ZYG11B: variants seen among roughly 807,000 people sequenced by gnomAD.
The protein encoded by ZYG11B is zyg-11 family member B, cell cycle regulator.
A neutral mutation model predicts 82.4 loss-of-function variants in ZYG11B; 36 were observed. That is an observed-to-expected ratio of 0.44 (90% confidence interval 0.33 to 0.58). ZYG11B has a LOEUF of 0.58. Ranked by LOEUF, ZYG11B falls within the 20% of genes least tolerant of loss-of-function variation. ZYG11B has a pLI of 0.02. For missense variants in ZYG11B, 552 were observed against 895.6 expected (o/e 0.62, Z 4.90); for synonymous variants, 303 against 312.8 (o/e 0.97, Z 0.33).
intron 8 of ZYG11B, among the ~76,000 whole-genome samples, chr1:52,800,563 C>CT (rs200669529): frequency 0.015 from 2,210 of 152,018 alleles, 60 homozygotes; most frequent in African/African-American, 0.051. Context: ...AATCCTAGCA[C>CT]TTTGGGAGGC....
intron 10 of ZYG11B, among the ~76,000 whole-genome samples, chr1:52,803,123 C>CACATATATATATATATATAT (rs1553262802): frequency 1.9e-5 from 1 of 53,652 alleles, no homozygotes; most frequent in Non-Finnish European, 2.8e-5. Context: ...TATATACACA[C>CACATATATATATATATATAT]ATATATATAT....
At chr1:52,798,099 G>C (rs1036503852) in intron 8 of ZYG11B, among the ~76,000 whole-genome samples, 3 of 151,654 alleles carry the variant, frequency 2.0e-5, no homozygotes, top group African/African-American at 2.4e-5. Context: ...CTCCAGCCTG[G>C]GTGATGGAGT....
chr1:52,778,887 A>G (rs1470163231), intron 3 of ZYG11B, among the ~76,000 whole-genome samples: 1 of 152,176 alleles, frequency 6.6e-6, no homozygotes, highest in Non-Finnish European at 1.5e-5. Flanking sequence ...TAATTGATAC[A>G]TTTATTTGAT....
intron 10 of ZYG11B, among the ~76,000 whole-genome samples, chr1:52,804,560 C>T (rs1395913923): frequency 2.6e-5 from 4 of 151,916 alleles, no homozygotes; most frequent in African/African-American, 9.7e-5. Context: ...TTGCTGTGAG[C>T]CGAGATTGCA....
At chr1:52,781,538 C>T (rs1030333326) in intron 4 of ZYG11B, among the ~76,000 whole-genome samples, 9 of 152,042 alleles carry the variant, frequency 5.9e-5, no homozygotes, top group African/African-American at 1.2e-4. Context: ...ACCCCACTCC[C>T]AAAAATTTAG....
rs555192745 is a variant in ZYG11B, at chr1:52,770,935, C to T, written c.197-85C>T. On this transcript the variant is annotated intron_variant, in intron 2 of 13. Coordinates refer to ENST00000294353, the MANE Select transcript of ZYG11B (RefSeq NM_024646.3). ...CAGACGAGATACTGTTACATGGGAG[C>T]GCTTTGGAAATGTAAAGTGTGATGG... 7.1e-4 allele frequency: 995 copies of T among 1,404,466 alleles called. 22 individuals are homozygous for T. In the South Asian group the frequency reaches 0.013, roughly 18 times the overall value. The allele number at this position is 1,404,466 out of a possible 1,614,324, so 87.0% of individuals were successfully genotyped here.
chr1:52,813,673 C>T lies in ZYG11B; in HGVS notation c.1833C>T (p.Ser611=). The part of the protein sequence containing the change: ...FAAGIIAHLI[S]RGEQAWTLSR... The stretch of plus-strand genomic sequence containing the variant: ...CTGGAATTATTGCCCATTTAATATC[C>T]AGAGGTGAACAAGCTTGGACATTGA... The change falls in exon 11 of 14, where the codon TCC becomes TCT. Residue 611 remains serine, a synonymous_variant. Transcript: ENST00000294353. 6.2e-7 allele frequency: 1 copy of T among 1,614,016 alleles called. No homozygotes were observed. The highest frequency in any genetic ancestry group is 1.1e-5 in the South Asian group (1 of 91,084).
chr1:52,790,621 T>A (rs1217775670), intron 6 of ZYG11B, among the ~76,000 whole-genome samples: 2 of 147,654 alleles, frequency 1.4e-5, no homozygotes, highest in East Asian at 4.0e-4. Flanking sequence ...CTCGGGAGAC[T>A]GAGGCAGGAG....
chr1:52,813,790 CATAATGTAGTAA>C, intron 11 of ZYG11B, 57 bp downstream of exon 11: 1 of 1,612,816 alleles, frequency 6.2e-7, no homozygotes. Flanking sequence ...ATCAAAGCCT[CATAATGTAGTAA>C]ATAATGCAGT....
chr1:52,801,739 T>G, intron 8 of ZYG11B, 80 bp from the exon 9 acceptor site: 1 of 1,196,308 alleles, frequency 8.4e-7, no homozygotes, highest in Non-Finnish European at 1.2e-6. Context: ...CTAATCCTCA[T>G]GGACTTGGGG....
chr1:52,817,773 A>ATGTG (rs1298660470), intron 13 of ZYG11B, among the ~76,000 whole-genome samples: 39 of 37,740 alleles, frequency 1.0e-3, no homozygotes, highest in South Asian at 3.6e-3. Context: ...GTGTATATAT[A>ATGTG]TGTGTATATA....
intron 6 of ZYG11B, among the ~76,000 whole-genome samples, chr1:52,795,213 C>T (rs950368254): frequency 1.8e-4 from 27 of 152,118 alleles, no homozygotes; most frequent in African/African-American, 5.5e-4. Context: ...AGAGTTCTCC[C>T]GAGATCTGGT....
intron 6 of ZYG11B, among the ~76,000 whole-genome samples, chr1:52,791,500 C>T (rs1254416787): frequency 1.3e-5 from 2 of 152,026 alleles, no homozygotes; most frequent in Non-Finnish European, 2.9e-5. Flanking sequence ...TCCCAAATAG[C>T]TGGGATTACA....
At chr1:52,810,816 C>T (rs979359406) in intron 10 of ZYG11B, among the ~76,000 whole-genome samples, 2 of 152,046 alleles carry the variant, frequency 1.3e-5, no homozygotes, top group Admixed American at 1.3e-4. Context: ...GGGCGGATCA[C>T]CTGAGGTCAG....
intron 10 of ZYG11B, among the ~76,000 whole-genome samples, chr1:52,811,352 T>C (rs1645181214): frequency 6.6e-6 from 1 of 152,208 alleles, no homozygotes; most frequent in African/African-American, 2.4e-5. Context: ...CTTCTATGAC[T>C]TCAGTTATAA....
intron 5 of ZYG11B, among the ~76,000 whole-genome samples, chr1:52,788,729 C>G (rs1408220212): frequency 6.6e-6 from 1 of 152,076 alleles, no homozygotes; most frequent in African/African-American, 2.4e-5. Context: ...GACCCTGTCT[C>G]AAAAACAAAC....
intron 10 of ZYG11B, among the ~76,000 whole-genome samples, chr1:52,807,334 G>A (rs1645149458): frequency 6.6e-6 from 1 of 151,896 alleles, no homozygotes; most frequent in Non-Finnish European, 1.5e-5. Context: ...AATCACTGTG[G>A]AATGATTAAA....
rs188153323 is a variant in ZYG11B, at chr1:52,763,936, C to T, written c.197-7084C>T. Among the ~76,000 whole-genome samples, 474 of 152,246 alleles carry T rather than the reference C, an allele frequency of 3.1e-3. 2 individuals carry two copies. The highest frequency in any genetic ancestry group is 4.6e-3 in the Admixed American group (70 of 15,284). ...AATAGACTTTCTAGGTGCTTGAAAG[C>T]TTACACTCCCAGACTAGCACCCCAC... On this transcript the variant is annotated intron_variant, in intron 2 of 13. Transcript: ENST00000294353.
rs1645303815 is a variant in ZYG11B, at chr1:52,823,849, G to A, written c.*2220G>A. ...AAGCATCCAAAATATGTAAAAGCAA[G>A]GGTGGGCGTAGTGGCTCTTGCCTGT... On this transcript the variant is annotated 3_prime_UTR_variant, in exon 14 of 14. Coordinates refer to ENST00000294353, the MANE Select transcript of ZYG11B (RefSeq NM_024646.3). 1 of 152,196 alleles carries A rather than the reference G, an allele frequency of 6.6e-6. No homozygotes were observed. The highest frequency in any genetic ancestry group is 1.5e-5 in the Non-Finnish European group (1 of 68,042). 9.4% of individuals were successfully genotyped at this position (152,196 alleles called of 1,614,324 possible). A position where few individuals can be genotyped will look rare whatever the true frequency, so the allele number is the denominator to read the frequency against.
Sources: gnomAD v4.1 joint callset for allele counts (sites outside exome capture counted in the v4.1 genomes callset) on GRCh38, gnomAD v4.1.1 for gene constraint, MANE v1.5 for transcripts, NCBI Gene and HGNC (gene_info 2026-07-23, HGNC 2026-07-21) for gene names.